The following NPR1 variants were observed in gnomAD, a reference collection of about 807,000 sequenced individuals.
The protein encoded by NPR1 is atrial natriuretic peptide receptor 1.
NPR1 carries 57 observed loss-of-function variants against 116.9 expected under a neutral mutation model. The ratio of observed to expected loss-of-function variants is 0.49; its 90% CI spans 0.39 to 0.61. The LOEUF (loss-of-function observed/expected upper bound fraction) is 0.61. NPR1 is among the 20% of genes least tolerant of loss of function. The probability of loss-of-function intolerance (pLI) is 0.00; values close to 1 mark genes in which losing one functional copy is unlikely to be tolerated. For synonymous variants in NPR1, 555 were observed against 601.6 expected (o/e 0.92, Z 1.13); for missense variants, 1,096 against 1,409.8 (o/e 0.78, Z 3.56).
intron 20 of NPR1, among the ~76,000 whole-genome samples, chr1:153,692,744 C>G (rs563925530): frequency 1.3e-5 from 2 of 152,054 alleles, no homozygotes; most frequent in African/African-American, 4.8e-5. Flanking sequence ...AACTCCTGGC[C>G]TCAAGTGATC....
Position 153,692,954 on chromosome 1 carries a change from C to T in NPR1, c.3032-152C>T, listed in dbSNP as rs141016635. ...CACGCACTACATTCAGGGGGTGGGG[C>T]CCCTCTGAGCTAGAGGGCTTCCTGG... On this transcript the variant is annotated intron_variant, in intron 20 of 21. Transcript: ENST00000368680. The T allele has an allele frequency of 5.4e-4, 331 of 613,496 alleles. 1 individual carries two copies. Among genetic ancestry groups the T allele is most frequent in the African/African-American group, 5.2e-3 (279 of 53,750 alleles). The allele number at this position is 613,496 out of a possible 1,614,324, so 38.0% of individuals were successfully genotyped here.
chr1:153,685,067 C>T lies in NPR1; in HGVS notation c.1588C>T (p.Arg530Trp), dbSNP rs556696023. Residue 530 changes from arginine (R) to tryptophan (W), a missense_variant, in exon 8 of 22, where the codon CGG (arginine) becomes TGG (tryptophan). By Grantham distance (101) the Arg-to-Trp change is moderately radical. Coordinates refer to ENST00000368680, the MANE Select transcript of NPR1 (RefSeq NM_000906.4). ...LERHLRSAGS[R>W]LTLSGRGSNY... is the part of the protein sequence containing the mutation. ...GAGGCACCTGCGGAGTGCAGGCAGC[C>T]GGCTGACCCTGAGCGGGGTAAGAAC... is the stretch of plus-strand genomic sequence containing the variant. 65 of 1,613,798 alleles carry T rather than the reference C, an allele frequency of 4.0e-5. No homozygotes were observed. Among genetic ancestry groups the T allele is most frequent in the Non-Finnish European group, 5.0e-5 (59 of 1,179,984 alleles).
In NPR1 at chr1:153,678,793, T is replaced by TTC. The variant is rs72446315; in HGVS notation, c.-294_-293dup. The TTC allele has an allele frequency of 0.037, 12,811 of 342,068 alleles. 138 individuals carry two copies. Among genetic ancestry groups the TTC allele is most frequent in the Middle Eastern group, 0.042 (57 of 1,358 alleles). The allele number at this position is 342,068 out of a possible 1,614,324, so 21.2% of individuals were successfully genotyped here. On this transcript the variant is annotated 5_prime_UTR_variant, in exon 1 of 22. Transcript: ENST00000368680. The surrounding 1 kb of genome is among the most constrained non-coding windows in gnomAD (Gnocchi z 5.8). ...TTCACGAAGCGCTCACTCGCACCCTTTCTCTCTCTCTCTCTCTCTCTCTAA... is the reference window on the plus strand; with the variant it reads ...TTCACGAAGCGCTCACTCGCACCCTTTCTCTCTCTCTCTCTCTCTCTCTCTAA...
intron 20 of NPR1, 35 bp downstream of exon 20, chr1:153,690,417 C>A (rs1457556174): frequency 2.7e-6 from 4 of 1,494,294 alleles, no homozygotes; most frequent in Non-Finnish European, 9.1e-7. Flanking sequence ...ATGGGGAGGG[C>A]AGGGTGGCTG....
At chr1:153,693,311 G>T (rs370604486) in intron 21 of NPR1, 41 bp from the exon 22 acceptor site, 2 of 1,607,608 alleles carry the variant, frequency 1.2e-6, no homozygotes, top group South Asian at 2.2e-5. Flanking sequence ...TGGGGAAAGG[G>T]CATGTGCCAC....
At chr1:153,683,298 T>A (rs896795974) in intron 5 of NPR1, 78 bp from the exon 6 acceptor site, 4 of 1,505,270 alleles carry the variant, frequency 2.7e-6, no homozygotes, top group Non-Finnish European at 3.6e-6. Context: ...CTGGGGTAGG[T>A]GGGAGGTGAG....
chr1:153,678,984 G>A lies in NPR1; in HGVS notation c.-125G>A, dbSNP rs377541740. On this transcript the variant is annotated 5_prime_UTR_variant, in exon 1 of 22. Transcript: ENST00000368680. This position sits in a 1 kb window ranked among gnomAD's most constrained non-coding sequence, Gnocchi z 5.8. ...GGGGGCCTCGAGCCCCGGGGTGAGCGTCCCCGTCCCGCTCCTGCTCCTTCC... is the reference window on the plus strand; with the variant it reads ...GGGGGCCTCGAGCCCCGGGGTGAGCATCCCCGTCCCGCTCCTGCTCCTTCC... 8.2e-7 allele frequency: 1 copy of A among 1,219,578 alleles called. No individual in the cohort carries two copies. The highest frequency in any genetic ancestry group is 3.2e-5 in the East Asian group (1 of 31,728). The allele number at this position is 1,219,578 out of a possible 1,614,324, so 75.5% of individuals were successfully genotyped here. A position where few individuals can be genotyped will look rare whatever the true frequency, so the allele number is the denominator to read the frequency against.
In NPR1 at chr1:153,686,154, G is replaced by A. The variant is rs779546718; in HGVS notation, c.1712G>A (p.Arg571His). 60 of 1,613,992 alleles carry A rather than the reference G, an allele frequency of 3.7e-5. No homozygotes were observed. The highest frequency in any genetic ancestry group is 6.7e-5 in the African/African-American group (5 of 74,918). ...CTCGTGGCTGTGAAACGTGTGAACCGTAAACGCATTGAGCTGACACGAAAA... is the reference window on the plus strand; with the variant it reads ...CTCGTGGCTGTGAAACGTGTGAACCATAAACGCATTGAGCTGACACGAAAA... ...GNLVAVKRVN[R>H]KRIELTRKVL... Residue 571 changes from arginine to histidine, a missense_variant, in exon 10 of 22, where the codon CGT becomes CAT. By Grantham distance (29) the Arg-to-His change is conservative (BLOSUM62 0). Coordinates refer to ENST00000368680, the MANE Select transcript of NPR1 (RefSeq NM_000906.4).
At position 153,686,186 on chromosome 1, in the gene NPR1, T is replaced by C. The variant is rs778304743; in HGVS notation, c.1744T>C (p.Phe582Leu). 1.2e-6 allele frequency: 2 copies of C among 1,613,970 alleles called. No individual in the cohort carries two copies. Among genetic ancestry groups the C allele is most frequent in the African/African-American group, 1.3e-5 (1 of 74,990 alleles). Reference sequence around the variant, plus strand: ...CATTGAGCTGACACGAAAAGTCCTGTTTGAACTGAAGCATGTAATGTGGGG... The same window carrying C: ...CATTGAGCTGACACGAAAAGTCCTGCTTGAACTGAAGCATGTAATGTGGGG... The part of the protein sequence containing the change: ...KRIELTRKVL[F>L]ELKHMRDVQN... The change falls in exon 10 of 22, where the codon TTT (phenylalanine) becomes CTT (leucine). Residue 582 changes from phenylalanine (F) to leucine (L), a missense_variant. By Grantham distance (22) the Phe-to-Leu change is conservative (BLOSUM62 0). Coordinates refer to ENST00000368680, the MANE Select transcript of NPR1 (RefSeq NM_000906.4).
At chr1:153,682,475 G>T (rs754614053) in intron 4 of NPR1, 23 bp from the exon 5 acceptor site, 104 of 1,584,246 alleles carry the variant, frequency 6.6e-5, no homozygotes, top group Non-Finnish European at 8.8e-5. Context: ...CTCAAACATA[G>T]TCATCTTCCC....
intron 10 of NPR1, 76 bp from the exon 11 acceptor site, chr1:153,686,570 G>A: frequency 8.7e-7 from 1 of 1,153,596 alleles, no homozygotes; most frequent in Non-Finnish European, 1.3e-6. Flanking sequence ...AGAAGAGTGA[G>A]GGTCCCTGAA....
At position 153,682,376 on chromosome 1, in the gene NPR1, T is replaced by C. The variant is rs1669805748; in HGVS notation, c.1172-122T>C. 1.8e-5 allele frequency: 13 copies of C among 713,360 alleles called. No individual in the cohort carries two copies. In the South Asian group the frequency reaches 2.1e-4, roughly 11 times the overall value. The allele number at this position is 713,360 out of a possible 1,614,324, so 44.2% of individuals were successfully genotyped here. A position where few individuals can be genotyped will look rare whatever the true frequency, so the allele number is the denominator to read the frequency against. On this transcript the variant is annotated intron_variant, in intron 4 of 21. Coordinates refer to ENST00000368680, the MANE Select transcript of NPR1 (RefSeq NM_000906.4). The stretch of plus-strand genomic sequence containing the variant: ...TGCCCGGCCGTTTTACCATTTACTA[T>C]CATTCTGTATACATGTATGTTTGGA...
chr1:153,692,840 T>G (rs913389457), intron 20 of NPR1, among the ~76,000 whole-genome samples: 1 of 152,154 alleles, frequency 6.6e-6, no homozygotes, highest in African/African-American at 2.4e-5. Flanking sequence ...TTAGTTTAAA[T>G]TAATTTAAGT....
Position 153,689,126 on chromosome 1 carries a change from C to G in NPR1, c.2564+27C>G, listed in dbSNP as rs1358131640. ...TGAGTGCCTGAGTCTGGGGACCCCCCCCAACACAAAGCCCCTGTCCCGACC... is the reference window on the plus strand; with the variant it reads ...TGAGTGCCTGAGTCTGGGGACCCCCGCCAACACAAAGCCCCTGTCCCGACC... On this transcript the variant is annotated intron_variant, in intron 16 of 21. Transcript: ENST00000368680. This position sits in a 1 kb window ranked among gnomAD's most constrained non-coding sequence, Gnocchi z 5.1. The G allele has an allele frequency of 5.0e-6, 8 of 1,614,122 alleles. No individual in the cohort carries two copies. The South Asian group carries it at 7.7e-5, about 16-fold the overall frequency.
rs1312642099 is a variant in NPR1, at chr1:153,693,988, A to C, written c.*574A>C. On this transcript the variant is annotated 3_prime_UTR_variant, in exon 22 of 22. Coordinates refer to ENST00000368680, the MANE Select transcript of NPR1 (RefSeq NM_000906.4). Reference sequence around the variant, plus strand: ...CAGAGACAATTAAAATCTTTATTCCAGTGACAGTGTCTCTTCTTGAGGGAG... The same window carrying C: ...CAGAGACAATTAAAATCTTTATTCCCGTGACAGTGTCTCTTCTTGAGGGAG... The C allele has an allele frequency of 1.8e-5, 7 of 389,628 alleles. No individual in the cohort carries two copies. In the Admixed American group the frequency reaches 3.1e-4, roughly 17 times the overall value. 24.1% of individuals were successfully genotyped at this position (389,628 alleles called of 1,614,324 possible).
At chr1:153,693,257 T>C in intron 21 of NPR1, 60 bp downstream of exon 21, 1 of 1,600,812 alleles carries the variant, frequency 6.2e-7, no homozygotes, top group South Asian at 1.1e-5. Flanking sequence ...GTTACCCTTC[T>C]CAAGCAGCCA....
Position 153,679,281 on chromosome 1 carries a change from C to T in NPR1, c.173C>T (p.Ala58Val). ...YPWSWARVGP[A>V]VELALAQVKA... is the part of the protein sequence containing the mutation. ...TGGTCGTGGGCGCGCGTGGGACCCGCCGTGGAGCTGGCCCTGGCCCAGGTG... is the reference window on the plus strand; with the variant it reads ...TGGTCGTGGGCGCGCGTGGGACCCGTCGTGGAGCTGGCCCTGGCCCAGGTG... The change falls in exon 1 of 22, where the codon GCC (alanine) becomes GTC (valine). Residue 58 changes from alanine (A) to valine (V), a missense_variant. Ala to Val is a moderately conservative substitution (Grantham distance 64). Transcript: ENST00000368680. The surrounding 1 kb of genome is among the most constrained non-coding windows in gnomAD (Gnocchi z 4.2). The T allele has an allele frequency of 6.5e-7, 1 of 1,529,384 alleles. No homozygotes were observed. The highest frequency in any genetic ancestry group is 8.7e-7 in the Non-Finnish European group (1 of 1,143,576). The allele number at this position is 1,529,384 out of a possible 1,614,324, so 94.7% of individuals were successfully genotyped here.
In NPR1 at chr1:153,689,373, C is replaced by A; in HGVS notation, c.2688+62C>A. On this transcript the variant is annotated intron_variant, in intron 17 of 21. Coordinates refer to ENST00000368680, the MANE Select transcript of NPR1 (RefSeq NM_000906.4). This position sits in a 1 kb window ranked among gnomAD's most constrained non-coding sequence, Gnocchi z 5.1. ...CAGCATCTGGATCCCACCAGACCTG[C>A]CTTCTGGTTCTGCTTTACCCACCTG... 6.2e-7 allele frequency: 1 copy of A among 1,613,374 alleles called. No homozygotes were observed. Among genetic ancestry groups the A allele is most frequent in the Non-Finnish European group, 8.5e-7 (1 of 1,179,324 alleles).
Position 153,685,898 on chromosome 1 carries a change from T to C in NPR1, c.1680+18T>C. Reference sequence around the variant, plus strand: ...ATTATAAGGTGGGCCTGGGGAAAGATCACTGGGCCTTGGGACTGGGGCAGG... The same window carrying C: ...ATTATAAGGTGGGCCTGGGGAAAGACCACTGGGCCTTGGGACTGGGGCAGG... On this transcript the variant is annotated intron_variant, in intron 9 of 21. Transcript: ENST00000368680. 1 of 1,608,080 alleles carries C rather than the reference T, an allele frequency of 6.2e-7. No homozygotes were observed. The highest frequency in any genetic ancestry group is 8.5e-7 in the Non-Finnish European group (1 of 1,174,796).
Sources: allele counts gnomAD v4.1 joint callset (sites outside exome capture counted in the v4.1 genomes callset), GRCh38; gene constraint gnomAD v4.1.1; non-coding constraint Gnocchi (gnomAD v3.1); transcripts MANE v1.5; gene names NCBI Gene and HGNC (gene_info 2026-07-23, HGNC 2026-07-21).